Variants in EYS observed in about 807,000 individuals in gnomAD.
The protein encoded by EYS is EGF-like photoreceptor maintenance factor, also known as protein eyes shut homolog.
EYS carries 250 observed loss-of-function variants against 282.1 expected under a neutral mutation model. The observed-to-expected ratio is 0.89, with a 90% confidence interval of 0.80 to 0.98. The LOEUF (loss-of-function observed/expected upper bound fraction) is 0.98, where lower values mean the gene tolerates loss of function less well. EYS is among the 50% of genes least tolerant of loss of function. The pLI is 0.00. For synonymous variants in EYS, 1,355 were observed against 1,282.9 expected (o/e 1.06, Z -1.20); for missense variants, 4,016 against 3,709.0 (o/e 1.08, Z -2.15).
chr6:65,459,334 A>G (rs1478314330), intron 5 of EYS, among the ~76,000 whole-genome samples: 2 of 152,088 alleles, frequency 1.3e-5, no homozygotes, highest in Non-Finnish European at 2.9e-5. Flanking sequence ...GATATTTTAA[A>G]TGCCAGTGGT....
At chr6:64,134,569 C>T (rs1774097247) in intron 31 of EYS, among the ~76,000 whole-genome samples, 1 of 151,798 alleles carries the variant, frequency 6.6e-6, no homozygotes, top group African/African-American at 2.4e-5. Flanking sequence ...TAAATTCGAA[C>T]CTGACAGGGA....
At chr6:64,766,646 A>AT (rs1462297498) in intron 22 of EYS, among the ~76,000 whole-genome samples, 1 of 14,050 alleles carries the variant, frequency 7.1e-5, no homozygotes, top group African/African-American at 2.2e-4. Flanking sequence ...AAAAAAAAAA[A>AT]AAAATATATA....
At chr6:64,737,006 T>C (rs1487304284) in intron 22 of EYS, among the ~76,000 whole-genome samples, 1 of 152,222 alleles carries the variant, frequency 6.6e-6, no homozygotes, top group African/African-American at 2.4e-5. Flanking sequence ...TATATTAGTA[T>C]AGTTTGCCTT....
chr6:64,402,782 T>C (rs1358447398), intron 28 of EYS, among the ~76,000 whole-genome samples: 1 of 152,238 alleles, frequency 6.6e-6, no homozygotes, highest in Non-Finnish European at 1.5e-5. Flanking sequence ...TTTTTTCTTT[T>C]AGGGTACATA....
chr6:65,314,113 C>CTG (rs536313225), intron 11 of EYS, among the ~76,000 whole-genome samples: 33 of 141,434 alleles, frequency 2.3e-4, no homozygotes, highest in Middle Eastern at 3.7e-3. Flanking sequence ...GTGTGTCTAT[C>CTG]TGTGTGTGTG....
intron 28 of EYS, among the ~76,000 whole-genome samples, chr6:64,406,645 G>A (rs10080120): frequency 7.1e-4 from 108 of 152,190 alleles, no homozygotes; most frequent in African/African-American, 1.7e-3. Context: ...AAAAGTGAGC[G>A]AAGGATATGA....
At chr6:64,136,925 C>A (rs1277221843) in intron 31 of EYS, among the ~76,000 whole-genome samples, 1 of 152,160 alleles carries the variant, frequency 6.6e-6, no homozygotes, top group African/African-American at 2.4e-5. Context: ...TCTTTTGAAG[C>A]TTTGAAGCCA....
chr6:63,768,057 T>C (rs752816607), intron 40 of EYS, among the ~76,000 whole-genome samples: 4 of 151,578 alleles, frequency 2.6e-5, no homozygotes, highest in Admixed American at 1.3e-4. Flanking sequence ...TTCCCTTCAT[T>C]ATATATGTTA....
At chr6:64,878,598 C>A (rs1221473635) in intron 19 of EYS, among the ~76,000 whole-genome samples, 1 of 151,876 alleles carries the variant, frequency 6.6e-6, no homozygotes, top group East Asian at 1.9e-4. Flanking sequence ...CATTCATTCT[C>A]ATTCTCTCTC....
chr6:65,151,738 T>C (rs939580902), intron 12 of EYS, among the ~76,000 whole-genome samples: 1 of 152,022 alleles, frequency 6.6e-6, no homozygotes, highest in African/African-American at 2.4e-5. Context: ...AGAGATTAGC[T>C]ATGTATTTTC....
chr6:65,584,396 C>G (rs1764972172), intron 2 of EYS, among the ~76,000 whole-genome samples: 1 of 152,056 alleles, frequency 6.6e-6, no homozygotes, highest in Admixed American at 6.6e-5. Context: ...GTAATGTCAA[C>G]ATTAGGAGAC....
chr6:65,619,040 T>C (rs1055304806), intron 2 of EYS, among the ~76,000 whole-genome samples: 2 of 152,124 alleles, frequency 1.3e-5, no homozygotes, highest in African/African-American at 2.4e-5. Context: ...ATGCGGGCTC[T>C]TTTTTGGTTC....
intron 26 of EYS, among the ~76,000 whole-genome samples, chr6:64,588,312 T>G (rs1313814597): frequency 6.6e-6 from 1 of 152,098 alleles, no homozygotes; most frequent in Non-Finnish European, 1.5e-5. Context: ...TGTAGGACTC[T>G]AATACATCAA....
intron 11 of EYS, among the ~76,000 whole-genome samples, chr6:65,302,261 A>T (rs1438924741): frequency 6.6e-6 from 1 of 151,904 alleles, no homozygotes; most frequent in Non-Finnish European, 1.5e-5. Flanking sequence ...GAGGAGGAAA[A>T]TTTTTTCTGC....
intron 30 of EYS, among the ~76,000 whole-genome samples, chr6:64,293,728 TC>T (rs1461010526): frequency 1.3e-5 from 2 of 152,160 alleles, no homozygotes; most frequent in African/African-American, 4.8e-5. Flanking sequence ...TTTATTCTTT[TC>T]TCTGACTTAT....
chr6:65,689,335 G>A (rs1027695474), intron 1 of EYS, among the ~76,000 whole-genome samples: 2 of 149,632 alleles, frequency 1.3e-5, no homozygotes, highest in Non-Finnish European at 3.0e-5. Context: ...GAGAACACAT[G>A]GACACAAGAA....
intron 12 of EYS, among the ~76,000 whole-genome samples, chr6:65,132,740 C>A (rs2208580): frequency 6.6e-6 from 1 of 151,166 alleles, no homozygotes; most frequent in Non-Finnish European, 1.5e-5. Context: ...ATAAATAAAG[C>A]GTATTCAAAT....
At chr6:64,364,100 T>C (rs1356440127) in intron 29 of EYS, among the ~76,000 whole-genome samples, 2 of 151,904 alleles carry the variant, frequency 1.3e-5, no homozygotes, top group East Asian at 1.9e-4. Context: ...TTCTTATCCA[T>C]AGAAATTTAG....
chr6:65,119,557 T>G (rs946267897), intron 12 of EYS, among the ~76,000 whole-genome samples: 1 of 151,638 alleles, frequency 6.6e-6, no homozygotes, highest in African/African-American at 2.4e-5. Flanking sequence ...CAAGCACTTT[T>G]AGGGTCCTCC....
Sources: allele counts gnomAD v4.1 joint callset (sites outside exome capture counted in the v4.1 genomes callset), GRCh38; gene constraint gnomAD v4.1.1; transcripts MANE v1.5; gene names NCBI Gene and HGNC (gene_info 2026-07-23, HGNC 2026-07-21).